The following ZNF565 variants were observed in gnomAD, a reference collection of about 807,000 sequenced individuals.
ZNF565 encodes zinc finger protein 565.
A neutral mutation model predicts 39.4 loss-of-function variants in ZNF565; 27 were observed. The observed-to-expected ratio is 0.69, with a 90% CI of 0.51 to 0.95. The LOEUF (loss-of-function observed/expected upper bound fraction) is 0.95, where lower values mean the gene tolerates loss of function less well. Among genes scored for constraint, ZNF565 ranks in the 40% least tolerant of loss-of-function variants. ZNF565 has a pLI of 0.00. For missense variants in ZNF565, 524 were observed against 621.1 expected (o/e 0.84, Z 1.66); for synonymous variants, 185 against 216.6 (o/e 0.85, Z 1.28).
At chr19:36,222,926 G>A (rs1200205948) in intron 1 of ZNF565, among the ~76,000 whole-genome samples, 5 of 150,686 alleles carry the variant, frequency 3.3e-5, no homozygotes. Flanking sequence ...CTTAGAATGA[G>A]CCCCCTGTGG....
At chr19:36,196,928 G>A (rs1443299532) in intron 2 of ZNF565, among the ~76,000 whole-genome samples, 1 of 152,096 alleles carries the variant, frequency 6.6e-6, no homozygotes, top group Non-Finnish European at 1.5e-5. Flanking sequence ...GTGGTGGCAG[G>A]TGCCTGTAAT....
upstream of ZNF565, among the ~76,000 whole-genome samples, chr19:36,218,620 C>T (rs1976711566): frequency 1.3e-5 from 2 of 151,700 alleles, no homozygotes; most frequent in Admixed American, 1.3e-4. Flanking sequence ...TGCCAGCCAC[C>T]ACGCCTGGCT....
At chr19:36,194,582 A>G (rs1383232038) in intron 3 of ZNF565, 1 of 476,712 alleles carries the variant, frequency 2.1e-6, no homozygotes, top group Non-Finnish European at 3.8e-6. Context: ...GAAATTCCAG[A>G]AGGGTAGTCC....
chr19:36,210,087 C>A lies in ZNF565; in HGVS notation c.-66+4535G>T, dbSNP rs140182375. On this transcript the variant is annotated intron_variant, in intron 1 of 4. Transcript: ENST00000304116. Reference sequence around the variant, plus strand: ...AGACCAGCCTGGGCAAATAGTGAGGCCCTTGTCTCTACAAAAAATCTTAAA... The same window carrying A: ...AGACCAGCCTGGGCAAATAGTGAGGACCTTGTCTCTACAAAAAATCTTAAA... 3.3e-5 allele frequency among the ~76,000 whole-genome samples: 5 copies of A among 150,882 alleles called. No homozygotes were observed. The Admixed American group carries it at 3.3e-4, about 10-fold the overall frequency.
chr19:36,228,204 CAA>C (rs1439259847), intron 1 of ZNF565, among the ~76,000 whole-genome samples: 1 of 149,290 alleles, frequency 6.7e-6, no homozygotes, highest in African/African-American at 2.5e-5. Context: ...CAGTATAATG[CAA>C]AGAGGGTAAA....
At chr19:36,214,201 CCACACAGTCACAGGCACAGGCAATTG>C (rs1568425553) in intron 1 of ZNF565, among the ~76,000 whole-genome samples, 1 of 152,010 alleles carries the variant, frequency 6.6e-6, no homozygotes. Context: ...AGCGGCGTCA[CCACACAGTCACAGGCACAGGCAATTG>C]CACACGGCCA....
At chr19:36,209,494 C>CAAAACA (rs1007347776) in intron 1 of ZNF565, among the ~76,000 whole-genome samples, 1 of 151,098 alleles carries the variant, frequency 6.6e-6, no homozygotes, top group African/African-American at 2.5e-5. Flanking sequence ...GACTCCGTCT[C>CAAAACA]AAAACAAAAA....
Position 36,182,772 on chromosome 19 carries a change from C to T in ZNF565, c.1194G>A (p.Lys398=), listed in dbSNP as rs1445304268. 1 of 1,614,080 alleles carries T rather than the reference C, an allele frequency of 6.2e-7. No individual in the cohort carries two copies. Among genetic ancestry groups the T allele is most frequent in the South Asian group, 1.1e-5 (1 of 91,078 alleles). The change falls in exon 5 of 5, where the codon AAG becomes AAA. Residue 398 remains lysine (K), a synonymous_variant. Transcript: ENST00000304116. ...DRPYECKDCG[K]AFSRSSYLIQ... is the part of the protein sequence containing the mutation. ...TGAGGTATGAGCTACGACTAAATGC[C>T]TTCCCGCAGTCCTTACATTCATAGG...
intron 4 of ZNF565, among the ~76,000 whole-genome samples, chr19:36,185,081 G>A (rs1975238724): frequency 6.6e-6 from 1 of 151,464 alleles, no homozygotes; most frequent in Non-Finnish European, 1.5e-5. Flanking sequence ...TGGCACTACT[G>A]CACTCCAGCC....
chr19:36,202,594 T>C lies in ZNF565; in HGVS notation c.-65-544A>G, dbSNP rs73038025. 7.0e-3 allele frequency among the ~76,000 whole-genome samples: 1,064 copies of C among 152,188 alleles called. 8 individuals carry two copies. The highest frequency in any genetic ancestry group is 0.012 in the Non-Finnish European group (804 of 68,008). ...GCTAAACTTGGCCCTAGATGGGGCC[T>C]AGAAGGCTCCCACCTGCTCCAAATT... On this transcript the variant is annotated intron_variant, in intron 1 of 4. Transcript: ENST00000304116.
intron 1 of ZNF565, among the ~76,000 whole-genome samples, chr19:36,211,912 C>T (rs187713970): frequency 6.6e-6 from 1 of 152,002 alleles, no homozygotes; most frequent in Admixed American, 6.6e-5. Flanking sequence ...GCGTCATCAA[C>T]GGATAAGACT....
upstream of ZNF565, among the ~76,000 whole-genome samples, chr19:36,216,885 G>C (rs576394182): frequency 6.6e-6 from 1 of 152,060 alleles, no homozygotes; most frequent in South Asian, 2.1e-4. Flanking sequence ...CAGGAGGATG[G>C]CTAGAGTCCA....
chr19:36,236,412 C>A (rs780219995), intron 1 of ZNF565: 6 of 1,562,328 alleles, frequency 3.8e-6, no homozygotes, highest in Non-Finnish European at 5.2e-6. Context: ...GGAGAGAAAC[C>A]TTGTGAATGT....
chr19:36,232,438 T>TA (rs1977422776), intron 1 of ZNF565, among the ~76,000 whole-genome samples: 1 of 152,116 alleles, frequency 6.6e-6, no homozygotes, highest in Non-Finnish European at 1.5e-5. Context: ...CAGCAAATGA[T>TA]ACCTTAAACA....
upstream of ZNF565, among the ~76,000 whole-genome samples, chr19:36,218,822 A>AG (rs1202964578): frequency 2.3e-5 from 3 of 128,712 alleles, no homozygotes; most frequent in Admixed American, 1.7e-4. Context: ...TTTTTGGTGG[A>AG]GGGGGGGACA....
At chr19:36,244,377 T>G (rs57282467) in intron 1 of ZNF565, among the ~76,000 whole-genome samples, 104,364 of 151,372 alleles carry the variant, frequency 0.69, 36,085 homozygotes, top group African/African-American at 0.74. Context: ...GGTGAAACCC[T>G]TCTCTACTAA....
At chr19:36,238,609 G>GT (rs1401208146) in intron 1 of ZNF565, 1 of 166,950 alleles carries the variant, frequency 6.0e-6, no homozygotes, top group Non-Finnish European at 1.5e-5. Context: ...TGGGAATGCT[G>GT]TATCTGTGGA....
At chr19:36,195,201 T>A in intron 2 of ZNF565, 45 bp from the exon 3 acceptor site, 1 of 1,572,110 alleles carries the variant, frequency 6.4e-7, no homozygotes, top group Non-Finnish European at 8.6e-7. Context: ...AGAAACTTTT[T>A]TCATTTATTA....
At chr19:36,222,321 G>A (rs369527074) in intron 1 of ZNF565, among the ~76,000 whole-genome samples, 1 of 152,154 alleles carries the variant, frequency 6.6e-6, no homozygotes, top group African/African-American at 2.4e-5. Flanking sequence ...GGTTGATTCA[G>A]TTAATCCCGT....
Sources: gnomAD v4.1 joint callset for allele counts (sites outside exome capture counted in the v4.1 genomes callset) on GRCh38, gnomAD v4.1.1 for gene constraint, MANE v1.5 for transcripts, NCBI Gene and HGNC (gene_info 2026-07-23, HGNC 2026-07-21) for gene names.